The following COL6A5 variants were observed in gnomAD, a reference collection of about 807,000 sequenced individuals.
COL6A5 encodes the protein collagen alpha-5(VI) chain.
Under a neutral mutation model 65.6 loss-of-function variants are expected in COL6A5, and 48 were observed. That is an observed-to-expected ratio of 0.73 (90% CI 0.58 to 0.93). The LOEUF is 0.93. Among genes scored for constraint, COL6A5 ranks in the 40% least tolerant of loss-of-function variants. The probability of loss-of-function intolerance (pLI) is 0.00; values close to 1 mark genes in which losing one functional copy is unlikely to be tolerated. For synonymous variants in COL6A5, 291 were observed against 322.8 expected, an observed-to-expected ratio of 0.90 and a Z score of 1.05; for missense variants, 914 against 928.3, an observed-to-expected ratio of 0.98 and a Z score of 0.20.
At position 130,475,517 on chromosome 3, in the gene COL6A5, A is replaced by G. The variant is rs546428484; in HGVS notation, c.2328+4550A>G. On this transcript the variant is annotated intron_variant, in intron 7 of 7. Transcript: ENST00000512836. Reference sequence around the variant, plus strand: ...CTATGGACACAGAATTTTATATCCAATAAAGATATCCCTCTCCCTCTGGAA... The same window carrying G: ...CTATGGACACAGAATTTTATATCCAGTAAAGATATCCCTCTCCCTCTGGAA... Among the ~76,000 whole-genome samples, 49 of 147,932 alleles carry G rather than the reference A, an allele frequency of 3.3e-4. 1 individual carries two copies. In the South Asian group the frequency reaches 9.1e-3, roughly 27 times the overall value.
intron 3 of COL6A5, 129 bp downstream of exon 35, chr3:130,440,954 C>A: frequency 1.3e-6 from 1 of 754,504 alleles, no homozygotes; most frequent in Non-Finnish European, 2.1e-6. Context: ...GAGATAGGGG[C>A]AGGAATGGAT....
exon 7 of COL6A5, chr3:130,391,548 A>G (rs1261224213): frequency 1.9e-6 from 3 of 1,551,722 alleles, no homozygotes; most frequent in Non-Finnish European, 2.6e-6. Context: ...GGGGAATCCC[A>G]TGACCATGAT....
intron 18 of COL6A5, 117 bp downstream of exon 18, chr3:130,409,505 G>A: frequency 2.4e-6 from 2 of 832,534 alleles, no homozygotes; most frequent in Admixed American, 3.1e-5. Context: ...AGGAGTAGGG[G>A]TGATAGGTGT....
chr3:130,468,010 G>A (rs1366353384), intron 5 of COL6A5, among the ~76,000 whole-genome samples: 1 of 152,016 alleles, frequency 6.6e-6, no homozygotes, highest in Non-Finnish European at 1.5e-5. Flanking sequence ...CTTAGGCTTA[G>A]AGCAGAGCTA....
Position 130,434,248 on chromosome 3 carries a change from C to G in COL6A5, c.487+2299C>G, listed in dbSNP as rs143070866. ...TGATGGCTTCCAGCTTCATCCATGTCCCTGCAAAGGACATGGTCTCATTCC... is the reference window on the plus strand; with the variant it reads ...TGATGGCTTCCAGCTTCATCCATGTGCCTGCAAAGGACATGGTCTCATTCC... On this transcript the variant is annotated intron_variant, in intron 1 of 7. Coordinates refer to ENST00000512836, the Ensembl canonical transcript of COL6A5. Among the ~76,000 whole-genome samples the G allele has an allele frequency of 2.1e-3, 317 of 152,286 alleles. 10 individuals carry two copies. In the East Asian group the frequency reaches 0.051, roughly 25 times the overall value.
At chr3:130,459,471 G>A (rs1709654392) in intron 5 of COL6A5, among the ~76,000 whole-genome samples, 2 of 152,060 alleles carry the variant, frequency 1.3e-5, no homozygotes, top group Non-Finnish European at 1.5e-5. Flanking sequence ...ATATTGCAAC[G>A]TCTGGAGACA....
intron 5 of COL6A5, among the ~76,000 whole-genome samples, chr3:130,456,004 T>G (rs566529403): frequency 1.2e-3 from 175 of 152,118 alleles, no homozygotes; most frequent in Non-Finnish European, 1.7e-3. Flanking sequence ...GACTTTTTTT[T>G]GGGGGGAGGA....
At chr3:130,428,930 T>C (rs928419595), upstream of COL6A5, among the ~76,000 whole-genome samples, 1 of 152,148 alleles carries the variant, frequency 6.6e-6, no homozygotes, top group African/African-American at 2.4e-5. Flanking sequence ...GAAATGAACA[T>C]GGAAATTGTC....
chr3:130,347,634 C>G (rs1934537337), intron 1 of COL6A5, among the ~76,000 whole-genome samples: 1 of 152,142 alleles, frequency 6.6e-6, no homozygotes, highest in Non-Finnish European at 1.5e-5. Context: ...ACACATATGT[C>G]TTGTTTGCAT....
chr3:130,355,728 A>T (rs1191088124), intron 1 of COL6A5, among the ~76,000 whole-genome samples: 1 of 152,048 alleles, frequency 6.6e-6, no homozygotes, highest in African/African-American at 2.4e-5. Context: ...CAAAACAAAT[A>T]GTAGTGGAAA....
chr3:130,449,227 A>C (rs1709372560), intron 4 of COL6A5, among the ~76,000 whole-genome samples: 1 of 152,188 alleles, frequency 6.6e-6, no homozygotes, highest in Admixed American at 6.6e-5. Context: ...GCCACTAAAA[A>C]GGATAACCTA....
chr3:130,483,533 A>G (rs886429794), intron 7 of COL6A5, among the ~76,000 whole-genome samples: 1 of 152,176 alleles, frequency 6.6e-6, no homozygotes, highest in South Asian at 2.1e-4. Context: ...CTCATAGTGC[A>G]TGTAGTTAAA....
At chr3:130,393,375 C>T (rs1936472803) in intron 7 of COL6A5, among the ~76,000 whole-genome samples, 1 of 152,154 alleles carries the variant, frequency 6.6e-6, no homozygotes, top group African/African-American at 2.4e-5. Flanking sequence ...CGTGTCCCCA[C>T]TGTATCCCCC....
At chr3:130,464,948 T>G (rs1559917389) in intron 5 of COL6A5, among the ~76,000 whole-genome samples, 1 of 152,126 alleles carries the variant, frequency 6.6e-6, no homozygotes, top group Non-Finnish European at 1.5e-5. Context: ...AGTTGTCATC[T>G]TTTAGAACTG....
intron 1 of COL6A5, among the ~76,000 whole-genome samples, chr3:130,356,831 A>C (rs1037412939): frequency 6.6e-6 from 1 of 152,194 alleles, no homozygotes; most frequent in African/African-American, 2.4e-5. Flanking sequence ...GCAGGCTTGC[A>C]TGTCAAAGCT....
rs1559896414 is a variant in COL6A5 at position 130,426,258 on chromosome 3, C to G, written c.5199+9C>G. ...GGCAGCCTGTATATTCTGTATGTAT[C>G]TCCTTATTCATGAAAGAAAACTCAA... On this transcript the variant is annotated intron_variant and NMD_transcript_variant, in intron 30 of 41. Coordinates refer to the COL6A5 transcript ENST00000312481. The G allele has an allele frequency of 6.4e-7, 1 of 1,551,180 alleles. No homozygotes were observed. Among genetic ancestry groups the G allele is most frequent in the Non-Finnish European group, 8.7e-7 (1 of 1,146,674 alleles).
rs1192617628 is a variant in COL6A5 at position 130,376,704 on chromosome 3, G to A, written c.535G>A (p.Ala179Thr). Residue 179 changes from alanine to threonine, a missense_variant and NMD_transcript_variant, in exon 3 of 42, where the codon GCC becomes ACC. Ala to Thr is a moderately conservative substitution (Grantham distance 58). Transcript: ENST00000312481. ...GAAAGCTTCTGAGGAAAATCTGAAG[G>A]CCATGGCCACATCCCATTTCCATTT... 6 of 1,613,556 alleles carry A rather than the reference G, an allele frequency of 3.7e-6. No homozygotes were observed. In the African/African-American group the frequency reaches 6.7e-5, roughly 18 times the overall value.
intron 29 of COL6A5, 62 bp downstream of exon 29, chr3:130,423,962 G>A: frequency 1.5e-6 from 2 of 1,298,386 alleles, no homozygotes; most frequent in East Asian, 2.6e-5. Context: ...CATGGAAAGG[G>A]CACAGAATTT....
At chr3:130,355,275 A>C (rs1217146907) in intron 1 of COL6A5, among the ~76,000 whole-genome samples, 1 of 152,080 alleles carries the variant, frequency 6.6e-6, no homozygotes, top group African/African-American at 2.4e-5. Context: ...CAAGAATTAC[A>C]CTTCTTGAAA....
Sources: gnomAD v4.1 joint callset for allele counts (sites outside exome capture counted in the v4.1 genomes callset) on GRCh38, gnomAD v4.1.1 for gene constraint, MANE v1.5 for transcripts, NCBI Gene and HGNC (gene_info 2026-07-23, HGNC 2026-07-21) for gene names.